LRMDA: variants seen among roughly 807,000 people sequenced by gnomAD.
The protein encoded by LRMDA is leucine-rich melanocyte differentiation-associated protein.
LRMDA carries 18 observed loss-of-function variants against 29.8 expected under a neutral mutation model. The observed-to-expected ratio is 0.60, with a 90% CI of 0.42 to 0.90. The LOEUF (loss-of-function observed/expected upper bound fraction) is 0.90, where lower values mean the gene tolerates loss of function less well. Ranked by LOEUF, LRMDA falls within the 40% of genes least tolerant of loss-of-function variation. The pLI, the probability that LRMDA is intolerant of heterozygous loss-of-function variation, is 0.00. For missense variants in LRMDA, 273 were observed against 273.9 expected (o/e 1.00, Z 0.02); for synonymous variants, 125 against 109.4 (o/e 1.14, Z -0.89).
At position 76,559,191 on chromosome 10, in the gene LRMDA, T is replaced by C. The variant is rs1843594984; in HGVS notation, c.*1903T>C. On this transcript the variant is annotated 3_prime_UTR_variant, in exon 7 of 7. Coordinates refer to ENST00000611255, the MANE Select transcript of LRMDA (RefSeq NM_001305581.2). ...CTTTATAAAAGGCTTTAACCCTGCC[T>C]CAAACAATAAAAAAGCACTTGTGAA... The C allele has an allele frequency of 1.3e-5, 2 of 152,178 alleles. No individual in the cohort carries two copies. The highest frequency in any genetic ancestry group is 1.3e-4 in the Admixed American group (2 of 15,272). The allele number at this position is 152,178 out of a possible 1,614,324, so 9.4% of individuals were successfully genotyped here. A position where few individuals can be genotyped will look rare whatever the true frequency, so the allele number is the denominator to read the frequency against.
chr10:76,523,868 G>A (rs991696326), intron 6 of LRMDA, among the ~76,000 whole-genome samples: 5 of 152,166 alleles, frequency 3.3e-5, no homozygotes, highest in African/African-American at 9.6e-5. Context: ...CAGGCCCAGG[G>A]AACTTATTTG....
At chr10:76,055,395 G>A (rs1848597692) in intron 4 of LRMDA, among the ~76,000 whole-genome samples, 2 of 152,180 alleles carry the variant, frequency 1.3e-5, no homozygotes, top group African/African-American at 4.8e-5. Flanking sequence ...CTTTGGGATG[G>A]TCAGCCAAGC....
intron 2 of LRMDA, among the ~76,000 whole-genome samples, chr10:75,655,417 T>A (rs1219805966): frequency 6.6e-6 from 1 of 152,256 alleles, no homozygotes; most frequent in African/African-American, 2.4e-5. Flanking sequence ...CCAGTTCCCT[T>A]GGCAGGTGCC....
rs1487229786 is a variant in LRMDA, at chr10:75,980,322, C to T, written c.132-55686C>T. Among the ~76,000 whole-genome samples, 4 of 152,162 alleles carry T rather than the reference C, an allele frequency of 2.6e-5. 1 individual carries two copies. In the South Asian group the frequency reaches 6.2e-4, roughly 24 times the overall value. Reference sequence around the variant, plus strand: ...CACTGGTGAGTGATCAGTCAAGGGCCCTGCTCCCCCTTCTCCAGCACCCAG... The same window carrying T: ...CACTGGTGAGTGATCAGTCAAGGGCTCTGCTCCCCCTTCTCCAGCACCCAG... On this transcript the variant is annotated intron_variant, in intron 2 of 6. Coordinates refer to ENST00000611255, the MANE Select transcript of LRMDA (RefSeq NM_001305581.2).
chr10:75,508,773 C>T (rs765373210), intron 2 of LRMDA, among the ~76,000 whole-genome samples: 10 of 152,108 alleles, frequency 6.6e-5, no homozygotes, highest in African/African-American at 2.4e-4. Flanking sequence ...ATTTTTAGTC[C>T]TCAATTACCC....
chr10:76,139,321 T>G (rs1300867894), intron 5 of LRMDA, among the ~76,000 whole-genome samples: 1 of 152,170 alleles, frequency 6.6e-6, no homozygotes, highest in East Asian at 1.9e-4. Context: ...TATTAATACT[T>G]CAACTACATC....
At chr10:76,113,758 G>A (rs891535519) in intron 5 of LRMDA, among the ~76,000 whole-genome samples, 1 of 152,154 alleles carries the variant, frequency 6.6e-6, no homozygotes, top group Non-Finnish European at 1.5e-5. Context: ...ACAGGTAAAA[G>A]TGAAAAGTTG....
chr10:75,637,487 G>A (rs549507468), intron 2 of LRMDA, among the ~76,000 whole-genome samples: 22 of 152,266 alleles, frequency 1.4e-4, no homozygotes, highest in African/African-American at 4.6e-4. Flanking sequence ...GGGAGACATG[G>A]GGAGCATCAT....
At chr10:75,681,822 G>A (rs79931515) in intron 2 of LRMDA, among the ~76,000 whole-genome samples, 5 of 152,256 alleles carry the variant, frequency 3.3e-5, no homozygotes, top group Non-Finnish European at 7.4e-5. Context: ...CTTAGGTCAG[G>A]GTGCTGAGTT....
intron 2 of LRMDA, among the ~76,000 whole-genome samples, chr10:75,620,354 A>G (rs1564524379): frequency 6.6e-6 from 1 of 152,246 alleles, no homozygotes; most frequent in Non-Finnish European, 1.5e-5. Context: ...CATTTCATTA[A>G]AAAATATCAG....
chr10:75,920,525 G>T (rs902708017), intron 2 of LRMDA, among the ~76,000 whole-genome samples: 5 of 152,156 alleles, frequency 3.3e-5, no homozygotes, highest in African/African-American at 1.2e-4. Flanking sequence ...CCAACTCCTT[G>T]CTATAACTTA....
chr10:75,809,190 C>G (rs927334679), intron 2 of LRMDA, among the ~76,000 whole-genome samples: 8 of 152,212 alleles, frequency 5.3e-5, no homozygotes, highest in African/African-American at 1.9e-4. Context: ...GATCAGCCAC[C>G]TTGCTGCCAG....
chr10:76,418,901 A>G (rs1842045955), intron 6 of LRMDA, among the ~76,000 whole-genome samples: 1 of 152,076 alleles, frequency 6.6e-6, no homozygotes, highest in African/African-American at 2.4e-5. Flanking sequence ...GATGAATTAC[A>G]TTGATCATTT....
At chr10:75,885,239 G>C (rs1845365438) in intron 2 of LRMDA, among the ~76,000 whole-genome samples, 1 of 152,214 alleles carries the variant, frequency 6.6e-6, no homozygotes, top group Admixed American at 6.5e-5. Context: ...CTGTTTGTTT[G>C]ATTGGAGTGG....
intron 2 of LRMDA, among the ~76,000 whole-genome samples, chr10:75,881,584 G>A (rs1000180015): frequency 1.3e-5 from 2 of 152,160 alleles, no homozygotes; most frequent in South Asian, 2.1e-4. Context: ...GCATAGGAGT[G>A]TAACTTTGTA....
chr10:75,815,123 C>T (rs1278957135), intron 2 of LRMDA, among the ~76,000 whole-genome samples: 1 of 152,146 alleles, frequency 6.6e-6, no homozygotes, highest in Non-Finnish European at 1.5e-5. Flanking sequence ...AATCCCTGAA[C>T]TGAACAACCT....
intron 2 of LRMDA, among the ~76,000 whole-genome samples, chr10:76,022,660 C>G (rs1847994308): frequency 6.6e-6 from 1 of 152,176 alleles, no homozygotes; most frequent in Non-Finnish European, 1.5e-5. Context: ...ATCTTCCTTA[C>G]TTTGCTAGGA....
intron 2 of LRMDA, among the ~76,000 whole-genome samples, chr10:75,754,887 G>T (rs946903373): frequency 7.2e-5 from 11 of 152,022 alleles, no homozygotes; most frequent in Admixed American, 1.3e-4. Flanking sequence ...ATAGATTGTT[G>T]CTGGATAACT....
intron 2 of LRMDA, among the ~76,000 whole-genome samples, chr10:75,476,214 T>C (rs1452814574): frequency 1.3e-5 from 2 of 152,210 alleles, no homozygotes; most frequent in African/African-American, 4.8e-5. Context: ...TATGGCATCA[T>C]GTAAAGTTAA....
Sources: gnomAD v4.1 joint callset for allele counts (sites outside exome capture counted in the v4.1 genomes callset) on GRCh38, gnomAD v4.1.1 for gene constraint, MANE v1.5 for transcripts, NCBI Gene and HGNC (gene_info 2026-07-23, HGNC 2026-07-21) for gene names.